The following TMTC1 variants were observed in gnomAD, a reference collection of about 807,000 sequenced individuals.
The protein encoded by TMTC1 is protein O-mannosyl-transferase TMTC1.
A neutral mutation model predicts 104.8 loss-of-function variants in TMTC1; 73 were observed. That is an observed-to-expected ratio of 0.70 (90% confidence interval 0.58 to 0.85). TMTC1 has a LOEUF of 0.85. TMTC1 is among the 40% of genes least tolerant of loss of function. The probability of loss-of-function intolerance (pLI) is 0.00; values close to 1 mark genes in which losing one functional copy is unlikely to be tolerated. For synonymous variants in TMTC1, 434 were observed against 428.7 expected, an observed-to-expected ratio of 1.01 and a Z score of -0.15; for missense variants, 1,035 against 1,096.1, an observed-to-expected ratio of 0.94 and a Z score of 0.79.
At chr12:29,759,960 A>C (rs1943305515) in intron 2 of TMTC1, among the ~76,000 whole-genome samples, 1 of 152,234 alleles carries the variant, frequency 6.6e-6, no homozygotes, top group African/African-American at 2.4e-5. Context: ...CTTTCAGGTC[A>C]ACAACGAGCC....
At chr12:29,633,390 T>C in intron 5 of TMTC1, 54 bp from the exon 6 acceptor site, 1 of 1,444,454 alleles carries the variant, frequency 6.9e-7, no homozygotes, top group Non-Finnish European at 9.5e-7. Context: ...TGACATTCTG[T>C]AAGCGTTCAG....
At chr12:29,653,750 T>C (rs1041111194) in intron 5 of TMTC1, among the ~76,000 whole-genome samples, 70 of 152,326 alleles carry the variant, frequency 4.6e-4, no homozygotes, top group African/African-American at 1.7e-3. Flanking sequence ...CTCACCAGTG[T>C]ATCCTGAATA....
intron 5 of TMTC1, among the ~76,000 whole-genome samples, chr12:29,639,484 T>C (rs1365086518): frequency 6.6e-6 from 1 of 152,180 alleles, no homozygotes; most frequent in Non-Finnish European, 1.5e-5. Flanking sequence ...AAATAAAATA[T>C]CATGTCAAAT....
At chr12:29,643,701 T>C (rs868580690) in intron 5 of TMTC1, among the ~76,000 whole-genome samples, 4 of 90 alleles carry the variant, frequency 0.044, 1 homozygote, top group Non-Finnish European at 0.25. Context: ...TTATATATAT[T>C]ATATATTATA....
intron 9 of TMTC1, among the ~76,000 whole-genome samples, chr12:29,570,893 C>G (rs924415462): frequency 1.4e-5 from 2 of 147,216 alleles, no homozygotes; most frequent in African/African-American, 5.2e-5. Context: ...CCCCCCCCCC[C>G]GCCAAAACAC....
intron 5 of TMTC1, among the ~76,000 whole-genome samples, chr12:29,672,889 A>G (rs967900577): frequency 1.3e-5 from 2 of 152,164 alleles, no homozygotes; most frequent in African/African-American, 2.4e-5. Context: ...GAGGTAAACA[A>G]TGTAGAGAAA....
intron 9 of TMTC1, chr12:29,568,969 C>G (rs933528880): frequency 2.2e-6 from 1 of 455,838 alleles, no homozygotes. Context: ...ATAGATAATC[C>G]CAAGCTTTAT....
At chr12:29,556,164 CA>C (rs1177477060) in intron 10 of TMTC1, among the ~76,000 whole-genome samples, 1 of 152,076 alleles carries the variant, frequency 6.6e-6, no homozygotes, top group East Asian at 1.9e-4. Flanking sequence ...ACACAAGATG[CA>C]AAAGCACCCT....
intron 10 of TMTC1, among the ~76,000 whole-genome samples, chr12:29,546,832 G>C (rs1460926242): frequency 3.9e-5 from 6 of 152,150 alleles, no homozygotes; most frequent in Non-Finnish European, 8.8e-5. Flanking sequence ...TGAAGCTGTT[G>C]TGTGCTATGA....
intron 6 of TMTC1, among the ~76,000 whole-genome samples, chr12:29,630,791 G>C (rs1938256494): frequency 6.6e-6 from 1 of 152,128 alleles, no homozygotes; most frequent in South Asian, 2.1e-4. Flanking sequence ...GGTGGAGATA[G>C]GTAGAGCTGT....
At chr12:29,736,769 C>T (rs1363152265) in intron 5 of TMTC1, among the ~76,000 whole-genome samples, 5 of 152,232 alleles carry the variant, frequency 3.3e-5, no homozygotes, top group African/African-American at 1.2e-4. Flanking sequence ...CTCACTAGTG[C>T]GCCACCATGA....
At chr12:29,530,002 T>C (rs970261974) in intron 11 of TMTC1, 1 of 152,146 alleles carries the variant, frequency 6.6e-6, no homozygotes, top group African/African-American at 2.4e-5. Context: ...AATGCAGTCA[T>C]GGAACCAGAA....
At chr12:29,697,833 G>A (rs894011002) in intron 5 of TMTC1, among the ~76,000 whole-genome samples, 4 of 152,146 alleles carry the variant, frequency 2.6e-5, no homozygotes, top group Non-Finnish European at 5.9e-5. Context: ...TATTACCAAG[G>A]ACAATCCACT....
intron 5 of TMTC1, among the ~76,000 whole-genome samples, chr12:29,669,101 A>G (rs1453046434): frequency 9.5e-6 from 1 of 105,304 alleles, no homozygotes; most frequent in Admixed American, 1.1e-4. Flanking sequence ...AGTGGGACAG[A>G]TGAGGATGCT....
At chr12:29,780,778 A>G (rs1943817881) in intron 1 of TMTC1, among the ~76,000 whole-genome samples, 1 of 152,182 alleles carries the variant, frequency 6.6e-6, no homozygotes, top group Admixed American at 6.5e-5. Context: ...CCATTGGGGG[A>G]AATGGATAGA....
intron 5 of TMTC1, among the ~76,000 whole-genome samples, chr12:29,672,122 A>G (rs1940540903): frequency 6.6e-6 from 1 of 152,164 alleles, no homozygotes; most frequent in South Asian, 2.1e-4. Flanking sequence ...ACATCCCTAC[A>G]TGATTGATGG....
chr12:29,689,181 C>T (rs2136748353), intron 5 of TMTC1, among the ~76,000 whole-genome samples: 1 of 152,058 alleles, frequency 6.6e-6, no homozygotes, highest in Non-Finnish European at 1.5e-5. Flanking sequence ...TTTGTAGAGC[C>T]ATCATACCAA....
At chr12:29,560,042 T>C (rs1945339949) in intron 9 of TMTC1, among the ~76,000 whole-genome samples, 1 of 152,254 alleles carries the variant, frequency 6.6e-6, no homozygotes, top group Non-Finnish European at 1.5e-5. Flanking sequence ...TTGAATTAGC[T>C]TGGGCCTAAT....
At chr12:29,685,653 G>A (rs761233428) in intron 5 of TMTC1, among the ~76,000 whole-genome samples, 2 of 151,834 alleles carry the variant, frequency 1.3e-5, no homozygotes, top group Non-Finnish European at 2.9e-5. Context: ...AAAAAAAAGA[G>A]GCCTGGTTTG....
Sources: allele counts gnomAD v4.1 joint callset (sites outside exome capture counted in the v4.1 genomes callset), GRCh38; gene constraint gnomAD v4.1.1; transcripts MANE v1.5; gene names NCBI Gene and HGNC (gene_info 2026-07-23, HGNC 2026-07-21).